Variants in FAM227B observed in about 807,000 individuals in gnomAD.
FAM227B encodes protein FAM227B.
In FAM227B, 88 loss-of-function variants were observed where a neutral mutation model predicts 73.8. That is an observed-to-expected ratio of 1.19 (90% CI 1.00 to 1.42). The LOEUF (loss-of-function observed/expected upper bound fraction) is 1.42, where lower values mean the gene tolerates loss of function less well. FAM227B is among the 40% of genes most tolerant of loss of function. FAM227B has a pLI of 0.00. For missense variants in FAM227B, 632 were observed against 590.9 expected (o/e 1.07, Z -0.72); for synonymous variants, 210 against 190.5 (o/e 1.10, Z -0.84).
chr15:49,425,052 G>A (rs994705487), intron 11 of FAM227B: 4 of 152,530 alleles, frequency 2.6e-5, no homozygotes, highest in African/African-American at 9.7e-5. Flanking sequence ...TACTTAATCT[G>A]TGCTAAGATA....
At chr15:49,394,765 G>A (rs1178129931) in intron 11 of FAM227B, among the ~76,000 whole-genome samples, 1 of 152,104 alleles carries the variant, frequency 6.6e-6, no homozygotes, top group Non-Finnish European at 1.5e-5. Flanking sequence ...AGTGAGTTAG[G>A]AGCAGTAGGA....
intron 11 of FAM227B, among the ~76,000 whole-genome samples, chr15:49,375,510 T>C (rs1299797418): frequency 1.3e-5 from 2 of 152,016 alleles, no homozygotes; most frequent in African/African-American, 2.4e-5. Context: ...TTCTATTTTT[T>C]TTTATAAGAA....
chr15:49,422,836 A>G, intron 11 of FAM227B: 2 of 756,296 alleles, frequency 2.6e-6, no homozygotes, highest in Non-Finnish European at 4.2e-6. Flanking sequence ...TAGTTAACAC[A>G]TACCAGTTTT....
intron 3 of FAM227B, among the ~76,000 whole-genome samples, chr15:49,608,220 ATAAG>A (rs113518886): frequency 0.011 from 1,685 of 152,298 alleles, 34 homozygotes; most frequent in African/African-American, 0.039. Context: ...GTCCTTAGTG[ATAAG>A]TAAGAAGAAC....
intron 11 of FAM227B, among the ~76,000 whole-genome samples, chr15:49,468,373 G>C (rs1435785168): frequency 1.3e-5 from 2 of 152,082 alleles, no homozygotes; most frequent in South Asian, 4.1e-4. Context: ...TATACTTTCT[G>C]GGTTTCAGTA....
intron 11 of FAM227B, among the ~76,000 whole-genome samples, chr15:49,477,372 G>A (rs2055440706): frequency 6.6e-6 from 1 of 152,114 alleles, no homozygotes; most frequent in Non-Finnish European, 1.5e-5. Flanking sequence ...TGCCACCACT[G>A]ATACTACTGT....
chr15:49,566,618 A>C (rs1598283497), intron 9 of FAM227B, among the ~76,000 whole-genome samples: 2 of 152,202 alleles, frequency 1.3e-5, no homozygotes, highest in Non-Finnish European at 2.9e-5. Context: ...ATAGTAATAA[A>C]ACCCTCACTT....
At chr15:49,353,681 A>G (rs371397034) in intron 13 of FAM227B, 1 of 145,222 alleles carries the variant, frequency 6.9e-6, no homozygotes, top group East Asian at 2.0e-4. Flanking sequence ...AGGCTTTCCT[A>G]TTCACTTCGC....
intron 10 of FAM227B, among the ~76,000 whole-genome samples, chr15:49,516,857 A>T (rs1477289751): frequency 6.6e-6 from 1 of 152,184 alleles, no homozygotes; most frequent in Admixed American, 6.6e-5. Context: ...AGGCAGGCTC[A>T]TTGAATTCAC....
At chr15:49,473,581 G>A (rs74012388) in intron 11 of FAM227B, among the ~76,000 whole-genome samples, 2,609 of 152,068 alleles carry the variant, frequency 0.017, 91 homozygotes, top group African/African-American at 0.06. Flanking sequence ...TATTGGAGTT[G>A]GTCTCACGTT....
intron 3 of FAM227B, among the ~76,000 whole-genome samples, chr15:49,594,348 C>A (rs2076771618): frequency 6.6e-6 from 1 of 152,078 alleles, no homozygotes; most frequent in Non-Finnish European, 1.5e-5. Context: ...GCACAGTTTA[C>A]AAAGACTTTT....
rs570731698 is a variant in FAM227B, at chr15:49,562,996, A to G, written c.747+5249T>C. On this transcript the variant is annotated intron_variant, in intron 9 of 15. Transcript: ENST00000299338. ...TTAACTAGTACTGGAAGTCCTAGCC[A>G]GAGCAATCAGGCAAGAAAAAGAAAT... 3.9e-5 allele frequency among the ~76,000 whole-genome samples: 6 copies of G among 152,262 alleles called. No individual in the cohort carries two copies. The East Asian group carries it at 1.2e-3, about 29-fold the overall frequency.
At chr15:49,465,591 AAAAGAGAGACCTATAATTGATTG>A (rs1567330367) in intron 11 of FAM227B, among the ~76,000 whole-genome samples, 1 of 151,736 alleles carries the variant, frequency 6.6e-6, no homozygotes, top group Non-Finnish European at 1.5e-5. Flanking sequence ...CCAAAACCAA[AAAAGAGAGACCTATAATTGATTG>A]AAAAACCAGA....
intron 15 of FAM227B, chr15:49,329,006 A>G (rs988768702): frequency 9.8e-7 from 1 of 1,015,354 alleles, no homozygotes; most frequent in Non-Finnish European, 1.2e-6. Context: ...TCATAGAATT[A>G]CTTTCTTATC....
In FAM227B at chr15:49,541,774, A is replaced by C. The variant is rs749769999; in HGVS notation, c.780T>G (p.Tyr260Ter). The C allele has an allele frequency of 1.3e-6, 2 of 1,525,464 alleles. No homozygotes were observed. The allele number at this position is 1,525,464 out of a possible 1,614,324, so 94.5% of individuals were successfully genotyped here. ...CTGGAAATGCTTCATGGAACGTTGC[A>C]TATATGGCTTGTGCCAAACAATCAG... The part of the protein sequence containing the change: ...IYPDCLAQAI[Y>*]ATFHEAFPES... The change falls in exon 10 of 16, where the codon TAT (tyrosine) becomes TAG (stop). Residue 260 changes from tyrosine (Y) to a stop codon, truncating the protein, a stop_gained. Transcript: ENST00000299338. LOFTEE classifies it high-confidence loss of function.
At chr15:49,511,529 A>G (rs1020986858) in intron 10 of FAM227B, among the ~76,000 whole-genome samples, 3 of 152,064 alleles carry the variant, frequency 2.0e-5, no homozygotes, top group African/African-American at 7.2e-5. Flanking sequence ...AACGTGTACT[A>G]TGATGATTTG....
At chr15:49,615,048 G>C in intron 2 of FAM227B, 73 bp downstream of exon 2, 5 of 1,367,690 alleles carry the variant, frequency 3.7e-6, no homozygotes, top group Non-Finnish European at 5.2e-6. Flanking sequence ...CTACCTGGGA[G>C]CCCTGATTAC....
intron 11 of FAM227B, among the ~76,000 whole-genome samples, chr15:49,451,000 G>A (rs1305547644): frequency 1.3e-5 from 2 of 152,078 alleles, no homozygotes; most frequent in South Asian, 2.1e-4. Flanking sequence ...CCATCTGTAT[G>A]TGTGTGAGTG....
chr15:49,330,986 C>T (rs1386940153), intron 15 of FAM227B: 1 of 152,170 alleles, frequency 6.6e-6, no homozygotes, highest in African/African-American at 2.4e-5. Flanking sequence ...AATGAATAGT[C>T]CTGTTTGCTT....
Sources: gnomAD v4.1 joint callset for allele counts (sites outside exome capture counted in the v4.1 genomes callset) on GRCh38, gnomAD v4.1.1 for gene constraint, MANE v1.5 for transcripts, NCBI Gene and HGNC (gene_info 2026-07-23, HGNC 2026-07-21) for gene names.